ILK: variants seen among roughly 807,000 people sequenced by gnomAD.
ILK encodes integrin linked kinase, also known as scaffold protein ILK.
A neutral mutation model predicts 57.8 loss-of-function variants in ILK; 37 were observed. The ratio of observed to expected loss-of-function variants is 0.64; its 90% CI spans 0.49 to 0.84. The LOEUF (loss-of-function observed/expected upper bound fraction) is 0.84, where lower values mean the gene tolerates loss of function less well. ILK is among the 40% of genes least tolerant of loss of function. The probability of loss-of-function intolerance (pLI) is 0.00; values close to 1 mark genes in which losing one functional copy is unlikely to be tolerated. For synonymous variants in ILK, 231 were observed against 202.2 expected, an observed-to-expected ratio of 1.14 and a Z score of -1.21; for missense variants, 528 against 595.7, an observed-to-expected ratio of 0.89 and a Z score of 1.18.
intron 2 of ILK, chr11:6,604,980 CTT>C (rs1423521960): frequency 2.3e-6 from 1 of 442,752 alleles, no homozygotes; most frequent in African/African-American, 2.0e-5. Context: ...TTCCAGAAGT[CTT>C]TAGGACGAAG....
rs370417912 is a variant in ILK, at chr11:6,608,005, A to G, written c.90-41A>G. On this transcript the variant is annotated intron_variant, in intron 2 of 12. Coordinates refer to ENST00000299421, the MANE Select transcript of ILK (RefSeq NM_004517.4). The surrounding 1 kb of genome is among the most constrained non-coding windows in gnomAD (Gnocchi z 4.9). Reference sequence around the variant, plus strand: ...TTTCAGGAATCAAAACCTTTGCCCCATCCCACCTCCAGCTCAATGACCATT... The same window carrying G: ...TTTCAGGAATCAAAACCTTTGCCCCGTCCCACCTCCAGCTCAATGACCATT... 33 of 1,609,474 alleles carry G rather than the reference A, an allele frequency of 2.1e-5. No individual in the cohort carries two copies. In the African/African-American group the frequency reaches 3.2e-4, roughly 16 times the overall value.
At position 6,610,723 on chromosome 11, in the gene ILK, A is replaced by G. The variant is rs929676452; in HGVS notation, c.*112A>G. The G allele has an allele frequency of 3.5e-6, 5 of 1,414,586 alleles. No homozygotes were observed. The highest frequency in any genetic ancestry group is 3.9e-6 in the Non-Finnish European group (4 of 1,013,820). The allele number at this position is 1,414,586 out of a possible 1,614,324, so 87.6% of individuals were successfully genotyped here. ...CTCCCCCGCCTCCAGTCATGGTACT[A>G]CCCCAGCCATGGGGTCCATCCCCTT... On this transcript the variant is annotated 3_prime_UTR_variant, in exon 13 of 13. Transcript: ENST00000299421.
rs1554900131 is a variant in ILK, at chr11:6,610,537, A to G, written c.1285A>G (p.Met429Val). Residue 429 changes from methionine to valine, a missense_variant, in exon 13 of 13, where the codon ATG becomes GTG. Physicochemically the swap from Met to Val is conservative, Grantham distance 21. Coordinates refer to ENST00000299421, the MANE Select transcript of ILK (RefSeq NM_004517.4). The stretch of plus-strand genomic sequence containing the variant: ...TGTGTGTAAGCTCATGAAGATCTGC[A>G]TGAATGAAGACCCTGCAAAGCGACC... Reference protein sequence around the residue: ...PHVCKLMKICMNEDPAKRPKF... With the variant: ...PHVCKLMKICVNEDPAKRPKF... 1 of 1,614,232 alleles carries G rather than the reference A, an allele frequency of 6.2e-7. No homozygotes were observed. Among genetic ancestry groups the G allele is most frequent in the South Asian group, 1.1e-5 (1 of 91,086 alleles).
Position 6,609,335 on chromosome 11 carries a change from G to A in ILK, c.655G>A (p.Val219Met), listed in dbSNP as rs545926425. 31 of 1,614,020 alleles carry A rather than the reference G, an allele frequency of 1.9e-5. No homozygotes were observed. Among genetic ancestry groups the A allele is most frequent in the South Asian group, 5.5e-5 (5 of 91,088 alleles). ...CCGCTGGCAGGGCAATGACATTGTC[G>A]TGAAGGTGCTGAAGGTTCGAGACTG... ...KGRWQGNDIV[V>M]KVLKVRDWST... is the part of the protein sequence containing the mutation. The change falls in exon 8 of 13, where the codon GTG (valine) becomes ATG (methionine). Residue 219 changes from valine (V) to methionine (M), a missense_variant. Coordinates refer to ENST00000299421, the MANE Select transcript of ILK (RefSeq NM_004517.4).
At chr11:6,605,825 G>A (rs1410355472) in intron 2 of ILK, among the ~76,000 whole-genome samples, 1 of 152,182 alleles carries the variant, frequency 6.6e-6, no homozygotes, top group Non-Finnish European at 1.5e-5. Context: ...TCTGTGCTGG[G>A]TGCTAGAGTC....
intron 10 of ILK, 28 bp from the exon 11 acceptor site, chr11:6,609,908 C>T (rs1179375193): frequency 1.2e-6 from 2 of 1,614,174 alleles, no homozygotes; most frequent in South Asian, 1.1e-5. Context: ...TATGACTTAC[C>T]TCCTTCTATC....
At position 6,608,609 on chromosome 11, in the gene ILK, G is replaced by A; in HGVS notation, c.352-85G>A. 7.3e-7 allele frequency: 1 copy of A among 1,369,846 alleles called. No homozygotes were observed. Among genetic ancestry groups the A allele is most frequent in the Admixed American group, 1.7e-5 (1 of 59,712 alleles). 84.9% of individuals were successfully genotyped at this position (1,369,846 alleles called of 1,614,324 possible). ...TACTGTGTGACACTTACAGGATTAA[G>A]TTCTACATTTGTGCATTCATGGTTG... On this transcript the variant is annotated intron_variant, in intron 4 of 12. Transcript: ENST00000299421. The surrounding 1 kb of genome is among the most constrained non-coding windows in gnomAD (Gnocchi z 4.9).
rs1855128617 is a variant in ILK at position 6,608,202 on chromosome 11, T to C, written c.246T>C (p.Ile82=). The C allele has an allele frequency of 1.2e-6, 2 of 1,614,206 alleles. No homozygotes were observed. Among genetic ancestry groups the C allele is most frequent in the African/African-American group, 2.7e-5 (2 of 75,042 alleles). Residue 82 remains isoleucine, a synonymous_variant, in exon 3 of 13, where the codon ATT becomes ATC. Transcript: ENST00000299421. This position sits in a 1 kb window ranked among gnomAD's most constrained non-coding sequence, Gnocchi z 4.9. ...HLAASHGHRD[I]VQKLLQYKAD... The stretch of plus-strand genomic sequence containing the variant: ...CAGCCAGTCATGGACACCGTGATAT[T>C]GTACAGAAGGTACGTACAAACTCCT...
intron 8 of ILK, 28 bp from the exon 9 acceptor site, chr11:6,609,484 G>A (rs766405109): frequency 6.2e-7 from 1 of 1,614,014 alleles, no homozygotes; most frequent in Admixed American, 1.7e-5. Flanking sequence ...TTTTGTACTG[G>A]GTCTCAACCA....
chr11:6,610,296 T>A lies in ILK; in HGVS notation c.1209+18T>A, dbSNP rs374150673. ...GAATGAAGGTGAGAGCACAACAGCA[T>A]ACATTTGTGTTGCGGGAGTGGTTGG... On this transcript the variant is annotated intron_variant, in intron 12 of 12. Transcript: ENST00000299421. 2.5e-6 allele frequency: 4 copies of A among 1,614,128 alleles called. No homozygotes were observed. Among genetic ancestry groups the A allele is most frequent in the Non-Finnish European group, 3.4e-6 (4 of 1,180,042 alleles).
chr11:6,610,454 A>G lies in ILK; in HGVS notation c.1210-8A>G, dbSNP rs1277112008. 3 of 1,614,164 alleles carry G rather than the reference A, an allele frequency of 1.9e-6. No individual in the cohort carries two copies. The highest frequency in any genetic ancestry group is 2.5e-6 in the Non-Finnish European group (3 of 1,180,024). On this transcript the variant is annotated splice_polypyrimidine_tract_variant and splice_region_variant and intron_variant, in intron 12 of 12. Coordinates refer to ENST00000299421, the MANE Select transcript of ILK (RefSeq NM_004517.4). ...ATTGTGAGGCTGCTTTTTTTCTTGT[A>G]TTCGCAGGTGGCATTGGAAGGCCTT...
Position 6,604,189 on chromosome 11 carries a change from C to A in ILK, c.-83C>A. On this transcript the variant is annotated 5_prime_UTR_variant, in exon 2 of 13. Coordinates refer to ENST00000299421, the MANE Select transcript of ILK (RefSeq NM_004517.4). The stretch of plus-strand genomic sequence containing the variant: ...CACTTCTCTCCTGTAGAGGATAAAG[C>A]TTGGGGTTCATCCTCCTTCCCTGGA... 1 of 1,236,738 alleles carries A rather than the reference C, an allele frequency of 8.1e-7. No homozygotes were observed. The highest frequency in any genetic ancestry group is 1.2e-6 in the Non-Finnish European group (1 of 866,112). 76.6% of individuals were successfully genotyped at this position (1,236,738 alleles called of 1,614,324 possible).
At position 6,608,820 on chromosome 11, in the gene ILK, C is replaced by G. The variant is rs981135769; in HGVS notation, c.448+30C>G. ...ATCTCCCCATCCCCTAGCTTGTGTC[C>G]TCTCGTCCCTTCCCACCTGTCTTCT... On this transcript the variant is annotated intron_variant, in intron 5 of 12. Transcript: ENST00000299421. This position sits in a 1 kb window ranked among gnomAD's most constrained non-coding sequence, Gnocchi z 4.9. 2 of 1,612,282 alleles carry G rather than the reference C, an allele frequency of 1.2e-6. No individual in the cohort carries two copies. The highest frequency in any genetic ancestry group is 1.7e-6 in the Non-Finnish European group (2 of 1,178,324).
Position 6,608,485 on chromosome 11 carries a change from C to T in ILK, c.347C>T (p.Ala116Val), listed in dbSNP as rs1190579004. The T allele has an allele frequency of 6.2e-7, 1 of 1,611,906 alleles. No individual in the cohort carries two copies. The highest frequency in any genetic ancestry group is 1.3e-5 in the African/African-American group (1 of 74,878). Residue 116 changes from alanine (A) to valine (V), a missense_variant, in exon 4 of 13, where the codon GCA (alanine) becomes GTA (valine). Physicochemically the swap from Ala to Val is moderately conservative, Grantham distance 64 (BLOSUM62 0). Coordinates refer to ENST00000299421, the MANE Select transcript of ILK (RefSeq NM_004517.4). This position sits in a 1 kb window ranked among gnomAD's most constrained non-coding sequence, Gnocchi z 4.9. ...YACFWGQDQV[A>V]EDLVANGALV... ...TGTTTTTGGGGCCAAGATCAAGTGG[C>T]AGAGGTGAGTACTCAGCCCTTAATT... is the stretch of plus-strand genomic sequence containing the variant.
chr11:6,605,423 T>A (rs895408425), intron 2 of ILK, among the ~76,000 whole-genome samples: 1 of 151,920 alleles, frequency 6.6e-6, no homozygotes, highest in African/African-American at 2.4e-5. Context: ...GAGAATGTTT[T>A]AATGAAGGGG....
Position 6,608,281 on chromosome 11 carries a change from T to A in ILK, c.255+70T>A. On this transcript the variant is annotated intron_variant, in intron 3 of 12. Transcript: ENST00000299421. The surrounding 1 kb of genome is among the most constrained non-coding windows in gnomAD (Gnocchi z 4.9). ...AGGGTCAGTCACAGGCACTGTAACA[T>A]ACAGTAGAAAGCATGTGTGCTCTTC... 1.3e-6 allele frequency: 2 copies of A among 1,588,612 alleles called. No homozygotes were observed. Among genetic ancestry groups the A allele is most frequent in the Non-Finnish European group, 8.6e-7 (1 of 1,156,754 alleles).
At position 6,610,204 on chromosome 11, in the gene ILK, G is replaced by A. The variant is rs777970676; in HGVS notation, c.1135G>A (p.Ala379Thr). Residue 379 changes from alanine to threonine, a missense_variant, in exon 12 of 13, where the codon GCA becomes ACA. By Grantham distance (58) the Ala-to-Thr change is moderately conservative (BLOSUM62 0). Coordinates refer to ENST00000299421, the MANE Select transcript of ILK (RefSeq NM_004517.4). ...NRRSADMWSF[A>T]VLLWELVTRE... ...ACGCTCAGCAGACATGTGGAGTTTTGCAGTGCTTCTGTGGGAACTGGTGAC... is the reference window on the plus strand; with the variant it reads ...ACGCTCAGCAGACATGTGGAGTTTTACAGTGCTTCTGTGGGAACTGGTGAC... The A allele has an allele frequency of 1.8e-5, 29 of 1,614,236 alleles. No individual in the cohort carries two copies. Among genetic ancestry groups the A allele is most frequent in the Non-Finnish European group, 2.4e-5 (28 of 1,180,044 alleles).
Position 6,610,155 on chromosome 11 carries a change from G to C in ILK, c.1086G>C (p.Gln362His), listed in dbSNP as rs142990615. 1.9e-5 allele frequency: 30 copies of C among 1,614,118 alleles called. No individual in the cohort carries two copies. Among genetic ancestry groups the C allele is most frequent in the Non-Finnish European group, 2.3e-5 (27 of 1,180,046 alleles). ...CAAGCCCTATCTCTCCAGCTCTGCA[G>C]AAGAAGCCTGAAGACACAAACAGAC... Reference protein sequence around the residue: ...APAWVAPEALQKKPEDTNRRS... With the variant: ...APAWVAPEALHKKPEDTNRRS... The change falls in exon 12 of 13, where the codon CAG becomes CAC. Residue 362 changes from glutamine to histidine, a missense_variant. By Grantham distance (24) the Gln-to-His change is conservative. Coordinates refer to ENST00000299421, the MANE Select transcript of ILK (RefSeq NM_004517.4).
At position 6,608,667 on chromosome 11, in the gene ILK, C is replaced by T. The variant is rs1159628699; in HGVS notation, c.352-27C>T. 2 of 1,584,810 alleles carry T rather than the reference C, an allele frequency of 1.3e-6. No individual in the cohort carries two copies. Among genetic ancestry groups the T allele is most frequent in the Admixed American group, 1.7e-5 (1 of 60,004 alleles). On this transcript the variant is annotated intron_variant, in intron 4 of 12. Coordinates refer to ENST00000299421, the MANE Select transcript of ILK (RefSeq NM_004517.4). This position sits in a 1 kb window ranked among gnomAD's most constrained non-coding sequence, Gnocchi z 4.9. ...GACTGCCAGCGAGGTAGCAGTGGCT[C>T]TCATCATAATGGCCTTTTCATTCCA...
Sources: gnomAD v4.1 joint callset for allele counts (sites outside exome capture counted in the v4.1 genomes callset) on GRCh38, gnomAD v4.1.1 for gene constraint, Gnocchi (gnomAD v3.1) non-coding constraint, MANE v1.5 for transcripts, NCBI Gene and HGNC (gene_info 2026-07-23, HGNC 2026-07-21) for gene names.